CCDC178: variants seen among roughly 807,000 people sequenced by gnomAD.
CCDC178 encodes the protein coiled-coil domain containing 178.
A neutral mutation model predicts 117.4 loss-of-function variants in CCDC178; 126 were observed. The ratio of observed to expected loss-of-function variants is 1.07; its 90% CI spans 0.93 to 1.24. The LOEUF is 1.24. Among genes scored for constraint, CCDC178 ranks in the 50% most tolerant of loss-of-function variants. The pLI is 0.00. For synonymous variants in CCDC178, 283 were observed against 313.4 expected (o/e 0.90, Z 1.02); for missense variants, 1,030 against 986.9 (o/e 1.04, Z -0.59).
intron 21 of CCDC178, among the ~76,000 whole-genome samples, chr18:33,057,887 A>G (rs779634248): frequency 1.3e-5 from 2 of 152,204 alleles, no homozygotes; most frequent in African/African-American, 2.4e-5. Context: ...AGCTCTATAC[A>G]GTATTACAAA....
At chr18:33,368,645 AACAG>A (rs1367247306) in intron 6 of CCDC178, among the ~76,000 whole-genome samples, 5 of 151,948 alleles carry the variant, frequency 3.3e-5, no homozygotes, top group Non-Finnish European at 7.4e-5. Context: ...GGGCTTTGAA[AACAG>A]ACAGAGGGTG....
intron 20 of CCDC178, among the ~76,000 whole-genome samples, chr18:33,127,868 A>G (rs577906784): frequency 1.4e-4 from 21 of 152,274 alleles, no homozygotes; most frequent in Admixed American, 1.4e-3. Context: ...ACTACCCTCC[A>G]GTCACCCACT....
chr18:33,419,901 T>C (rs1423422750), intron 2 of CCDC178, among the ~76,000 whole-genome samples: 2 of 151,882 alleles, frequency 1.3e-5, no homozygotes, highest in Non-Finnish European at 2.9e-5. Flanking sequence ...AACCCAGCAA[T>C]CTTTCTTTCC....
chr18:33,009,357 T>C (rs2055815705), intron 21 of CCDC178, among the ~76,000 whole-genome samples: 1 of 152,098 alleles, frequency 6.6e-6, no homozygotes. Context: ...AAGACAATGG[T>C]CTTTAGGTCT....
intron 22 of CCDC178, 27 bp downstream of exon 22, chr18:32,974,520 C>T (rs368888946): frequency 6.2e-7 from 1 of 1,608,228 alleles, no homozygotes; most frequent in South Asian, 1.1e-5. Context: ...TCAGAATGAT[C>T]TTTCCTACTT....
Position 33,137,037 on chromosome 18 carries a change from T to A in CCDC178, c.2239-44127A>T, listed in dbSNP as rs2058136871. Among the ~76,000 whole-genome samples the A allele has an allele frequency of 2.0e-5, 3 of 152,104 alleles. No homozygotes were observed. In the South Asian group the frequency reaches 6.2e-4, roughly 32 times the overall value. On this transcript the variant is annotated intron_variant, in intron 20 of 22. Transcript: ENST00000383096. ...AGAGGCATAATTAAAGTAACATACT[T>A]TTGCTTGGGTCAATTTAAATCAGAA...
intron 14 of CCDC178, among the ~76,000 whole-genome samples, chr18:33,256,140 A>G (rs1433739532): frequency 2.0e-5 from 3 of 152,032 alleles, no homozygotes; most frequent in Non-Finnish European, 4.4e-5. Flanking sequence ...ATTTCTAATA[A>G]TCTAGCAAAT....
At chr18:33,306,065 C>T (rs981802875) in intron 11 of CCDC178, among the ~76,000 whole-genome samples, 2 of 152,186 alleles carry the variant, frequency 1.3e-5, no homozygotes, top group African/African-American at 4.8e-5. Context: ...ACTTCTCTGT[C>T]TTCCTCTTTC....
At chr18:33,353,664 A>G (rs1408741383) in intron 7 of CCDC178, among the ~76,000 whole-genome samples, 2 of 152,096 alleles carry the variant, frequency 1.3e-5, no homozygotes, top group Non-Finnish European at 2.9e-5. Flanking sequence ...CTATTTATAT[A>G]TAAAGAACTC....
At chr18:33,086,710 C>T (rs546044707) in intron 21 of CCDC178, among the ~76,000 whole-genome samples, 43 of 152,006 alleles carry the variant, frequency 2.8e-4, no homozygotes, top group African/African-American at 7.5e-4. Flanking sequence ...TATACACATA[C>T]GCATGCACAT....
intron 22 of CCDC178, among the ~76,000 whole-genome samples, chr18:32,946,707 C>G (rs535703680): frequency 3.2e-4 from 38 of 117,124 alleles, no homozygotes; most frequent in African/African-American, 1.0e-3. Flanking sequence ...AACTTTGGAT[C>G]GTTGTGGTTT....
chr18:33,380,781 T>C (rs2063430285), intron 5 of CCDC178, among the ~76,000 whole-genome samples: 2 of 152,238 alleles, frequency 1.3e-5, no homozygotes, highest in African/African-American at 4.8e-5. Context: ...TGCACTATCT[T>C]GCTTTTTCCA....
chr18:33,213,134 A>G (rs189255808), intron 19 of CCDC178, among the ~76,000 whole-genome samples: 6 of 152,116 alleles, frequency 3.9e-5, no homozygotes, highest in Non-Finnish European at 7.4e-5. Flanking sequence ...AGAGTTGAGG[A>G]ACCTAAACTT....
At chr18:32,989,539 A>T (rs977081731) in intron 21 of CCDC178, among the ~76,000 whole-genome samples, 4 of 152,184 alleles carry the variant, frequency 2.6e-5, no homozygotes, top group African/African-American at 9.6e-5. Flanking sequence ...CAGCTACTCA[A>T]CTTTATTGAT....
intron 21 of CCDC178, among the ~76,000 whole-genome samples, chr18:33,038,397 T>C (rs141497742): frequency 4.7e-4 from 72 of 152,108 alleles, no homozygotes; most frequent in Middle Eastern, 3.4e-3. Context: ...TCTTTAAATA[T>C]TGGTCCCTAT....
chr18:33,380,746 T>C (rs1485772933), intron 5 of CCDC178, among the ~76,000 whole-genome samples: 1 of 152,232 alleles, frequency 6.6e-6, no homozygotes, highest in African/African-American at 2.4e-5. Context: ...CCTTCTTGAA[T>C]TAACGCTCAG....
intron 2 of CCDC178, among the ~76,000 whole-genome samples, chr18:33,425,713 T>G (rs963271303): frequency 1.3e-5 from 2 of 152,106 alleles, no homozygotes; most frequent in Non-Finnish European, 2.9e-5. Context: ...GCTACATTCA[T>G]GGATGGGGTG....
chr18:33,320,627 TA>T (rs1478543822), intron 11 of CCDC178, among the ~76,000 whole-genome samples: 1 of 152,096 alleles, frequency 6.6e-6, no homozygotes, highest in East Asian at 1.9e-4. Flanking sequence ...TGCTCATGGA[TA>T]GGAAGAATCA....
At chr18:33,388,519 ATT>A (rs71159828) in intron 5 of CCDC178, among the ~76,000 whole-genome samples, 1 of 65,266 alleles carries the variant, frequency 1.5e-5, no homozygotes, top group Non-Finnish European at 2.6e-5. Flanking sequence ...ACACCACGGA[ATT>A]TTTTTTTTTT....
Sources: gnomAD v4.1 joint callset for allele counts (sites outside exome capture counted in the v4.1 genomes callset) on GRCh38, gnomAD v4.1.1 for gene constraint, MANE v1.5 for transcripts, NCBI Gene and HGNC (gene_info 2026-07-23, HGNC 2026-07-21) for gene names.